MYO1E: variants seen among roughly 807,000 people sequenced by gnomAD.
The protein encoded by MYO1E is myosin IE, also known as unconventional myosin-Ie.
Under a neutral mutation model 151.1 loss-of-function variants are expected in MYO1E, and 68 were observed. That is an observed-to-expected ratio of 0.45 (90% confidence interval 0.37 to 0.55). The LOEUF (loss-of-function observed/expected upper bound fraction) is 0.55, where lower values mean the gene tolerates loss of function less well. Among genes scored for constraint, MYO1E ranks in the 20% least tolerant of loss-of-function variants. The pLI, the probability that MYO1E is intolerant of heterozygous loss-of-function variation, is 0.00. For missense variants in MYO1E, 1,363 were observed against 1,389.3 expected (o/e 0.98, Z 0.30); for synonymous variants, 601 against 501.7 (o/e 1.20, Z -2.64).
intron 5 of MYO1E, among the ~76,000 whole-genome samples, chr15:59,235,210 G>A (rs1037404913): frequency 6.6e-6 from 1 of 151,572 alleles, no homozygotes; most frequent in Non-Finnish European, 1.5e-5. Context: ...ATTTTTATAA[G>A]TTTCTTGAAT....
intron 3 of MYO1E, among the ~76,000 whole-genome samples, chr15:59,260,587 A>C (rs1466019146): frequency 6.6e-6 from 1 of 152,194 alleles, no homozygotes; most frequent in African/African-American, 2.4e-5. Flanking sequence ...AGAATAAAAT[A>C]TATTAAGGAG....
At chr15:59,356,936 A>C (rs1268740342) in intron 1 of MYO1E, among the ~76,000 whole-genome samples, 2 of 121,588 alleles carry the variant, frequency 1.6e-5, no homozygotes, top group Admixed American at 8.5e-5. Flanking sequence ...ATGGAGTTTC[A>C]CTCTTGCTGC....
At chr15:59,226,575 G>C (rs1596374741) in intron 7 of MYO1E, among the ~76,000 whole-genome samples, 1 of 152,340 alleles carries the variant, frequency 6.6e-6, no homozygotes, top group Admixed American at 6.5e-5. Flanking sequence ...GGGAGGCTGA[G>C]GTGGGTGGGT....
Position 59,319,550 on chromosome 15 carries a change from C to CTTTTTTTTTTTTTTTTTTTTTTTTTTTTT in MYO1E, c.4-47130_4-47102dup, listed in dbSNP as rs59491381. Among the ~76,000 whole-genome samples the CTTTTTTTTTTTTTTTTTTTTTTTTTTTTT allele has an allele frequency of 1.6e-4, 10 of 63,720 alleles. 2 individuals carry two copies. The highest frequency in any genetic ancestry group is 5.9e-4 in the South Asian group (1 of 1,696). The allele number at this position is 63,720 out of a possible 152,430, so 41.8% of individuals were successfully genotyped here. On this transcript the variant is annotated intron_variant, in intron 1 of 27. Coordinates refer to ENST00000288235, the MANE Select transcript of MYO1E (RefSeq NM_004998.4). Reference sequence around the variant, plus strand: ...AAGATAGGAAAAGAAGTCAAACTACCTTTTTTTTTTTTTTTTTTTTTTTTT... The same window carrying CTTTTTTTTTTTTTTTTTTTTTTTTTTTTT: ...AAGATAGGAAAAGAAGTCAAACTACCTTTTTTTTTTTTTTTTTTTTTTTTTTTTTTTTTTTTTTTTTTTTTTTTTTTTTT...
intron 1 of MYO1E, among the ~76,000 whole-genome samples, chr15:59,277,849 C>T (rs2414625): frequency 0.89 from 135,777 of 152,210 alleles, 61,987 homozygotes; most frequent in Non-Finnish European, 0.99. Context: ...TATGGAATTA[C>T]TGAATTTGTG....
chr15:59,251,900 T>C (rs1324474924), intron 4 of MYO1E, among the ~76,000 whole-genome samples: 1 of 152,230 alleles, frequency 6.6e-6, no homozygotes, highest in Non-Finnish European at 1.5e-5. Context: ...AAATATTGGA[T>C]ATTTGGACAA....
chr15:59,224,744 G>C lies in MYO1E; in HGVS notation c.722C>G (p.Ser241Trp), dbSNP rs762748529. The C allele has an allele frequency of 6.2e-6, 10 of 1,614,184 alleles. No homozygotes were observed. The highest frequency in any genetic ancestry group is 8.5e-6 in the Non-Finnish European group (10 of 1,180,016). Residue 241 changes from serine (S) to tryptophan (W), a missense_variant, in exon 8 of 28, where the codon TCG becomes TGG. Physicochemically the swap from Ser to Trp is radical, Grantham distance 177. Transcript: ENST00000288235. ...AATGTCATCAACCTTGTATGAGCCC[G>C]AGAGGCTCAGGTAGTAATAATAGTC... ...SMDYYYYLSL[S>W]GSYKVDDIDD...
rs147911654 is a variant in MYO1E at position 59,272,387 on chromosome 15, G to A, written c.66C>T (p.Asp22=). The A allele has an allele frequency of 3.3e-5, 53 of 1,613,932 alleles. No homozygotes were observed. In the African/African-American group the frequency reaches 3.9e-4, roughly 12 times the overall value. ...QSHNVKHSGV[D]DMVLLSKITE... The stretch of plus-strand genomic sequence containing the variant: ...TGATCTTGGACAGTAGCACCATGTC[G>A]TCCACACCACTGTGCTTGACATTGT... Residue 22 remains aspartate, a synonymous_variant, in exon 2 of 28, where the codon GAC becomes GAT. Transcript: ENST00000288235.
At chr15:59,207,854 T>C (rs1301105486) in intron 14 of MYO1E, 2 of 1,614,224 alleles carry the variant, frequency 1.2e-6, no homozygotes, top group Non-Finnish European at 1.7e-6. Flanking sequence ...GGCCTATCTG[T>C]GGCCGATTTA....
chr15:59,356,806 G>A lies in MYO1E; in HGVS notation c.3+15692C>T, dbSNP rs190749067. Among the ~76,000 whole-genome samples, 273 of 152,108 alleles carry A rather than the reference G, an allele frequency of 1.8e-3. 1 individual carries two copies. The highest frequency in any genetic ancestry group is 3.4e-3 in the Middle Eastern group (1 of 292). ...CTGGTCCTGAACTCCTAAGCTCAAG[G>A]GATCTGCCTCCCTTGGCCTCTTAAA... On this transcript the variant is annotated intron_variant, in intron 1 of 27. Transcript: ENST00000288235.
intron 9 of MYO1E, among the ~76,000 whole-genome samples, chr15:59,220,171 AGGTGTGGT>A: frequency 6.6e-6 from 1 of 152,248 alleles, no homozygotes. Context: ...TTGTTTGGCC[AGGTGTGGT>A]GGCTCACGCC....
At chr15:59,181,038 C>CA (rs2079655481) in intron 18 of MYO1E, among the ~76,000 whole-genome samples, 1 of 152,104 alleles carries the variant, frequency 6.6e-6, no homozygotes, top group African/African-American at 2.4e-5. Flanking sequence ...GCTGGGACCC[C>CA]AGGGACTCCC....
At chr15:59,362,109 T>G (rs2080889197) in intron 1 of MYO1E, among the ~76,000 whole-genome samples, 1 of 152,166 alleles carries the variant, frequency 6.6e-6, no homozygotes, top group Non-Finnish European at 1.5e-5. Context: ...AGTGCTAGGA[T>G]TACAAGCATG....
At chr15:59,242,386 G>A (rs1323356589) in intron 4 of MYO1E, among the ~76,000 whole-genome samples, 1 of 152,150 alleles carries the variant, frequency 6.6e-6, no homozygotes, top group Non-Finnish European at 1.5e-5. Flanking sequence ...AAGCATATAA[G>A]AGCCAGCTGG....
intron 25 of MYO1E, among the ~76,000 whole-genome samples, chr15:59,157,642 C>G: frequency 6.6e-6 from 1 of 152,222 alleles, no homozygotes; most frequent in East Asian, 1.9e-4. Flanking sequence ...CCCCAGGAAG[C>G]TGGCAATTTG....
intron 2 of MYO1E, among the ~76,000 whole-genome samples, chr15:59,266,064 G>A (rs2080251693): frequency 6.6e-6 from 1 of 152,166 alleles, no homozygotes; most frequent in African/African-American, 2.4e-5. Context: ...ACATATCGTA[G>A]TTATTTCCGG....
At chr15:59,212,754 C>T (rs1363020947) in intron 12 of MYO1E, 2 of 152,156 alleles carry the variant, frequency 1.3e-5, no homozygotes, top group African/African-American at 4.8e-5. Context: ...CTCAGATGAA[C>T]AGCCCTGGCT....
At chr15:59,246,309 G>A (rs1258371988) in intron 4 of MYO1E, among the ~76,000 whole-genome samples, 1 of 152,010 alleles carries the variant, frequency 6.6e-6, no homozygotes, top group African/African-American at 2.4e-5. Flanking sequence ...GTAGAGATGG[G>A]GTTTCACCAT....
At chr15:59,178,663 T>C (rs761205683) in intron 18 of MYO1E, 126 bp from the exon 19 acceptor site, 109 of 1,289,112 alleles carry the variant, frequency 8.5e-5, no homozygotes, top group Non-Finnish European at 1.1e-4. Context: ...ATCATCTGTT[T>C]ACCAGCGTTC....
Sources: gnomAD v4.1 joint callset for allele counts (sites outside exome capture counted in the v4.1 genomes callset) on GRCh38, gnomAD v4.1.1 for gene constraint, MANE v1.5 for transcripts, NCBI Gene and HGNC (gene_info 2026-07-23, HGNC 2026-07-21) for gene names.